AFF3: variants seen among roughly 807,000 people sequenced by gnomAD.
The protein encoded by AFF3 is AF4/FMR2 family member 3.
A neutral mutation model predicts 129.7 loss-of-function variants in AFF3; 32 were observed. The observed-to-expected ratio is 0.25, with a 90% CI of 0.19 to 0.33. AFF3 has a LOEUF of 0.33. Among genes scored for constraint, AFF3 ranks in the 10% least tolerant of loss-of-function variants. The pLI is 1.00. For synonymous variants in AFF3, 644 were observed against 635.4 expected (o/e 1.01, Z -0.20); for missense variants, 1,373 against 1,592.0 (o/e 0.86, Z 2.34).
chr2:99,698,335 T>G (rs566685874), intron 11 of AFF3, among the ~76,000 whole-genome samples: 47 of 152,338 alleles, frequency 3.1e-4, no homozygotes, highest in African/African-American at 1.1e-3. Context: ...GAGTGCTGAC[T>G]GGCCAAGAGT....
intron 7 of AFF3, among the ~76,000 whole-genome samples, chr2:99,855,664 T>C (rs565242200): frequency 4.6e-5 from 7 of 152,178 alleles, no homozygotes; most frequent in African/African-American, 1.7e-4. Context: ...AGGATAAATA[T>C]CTTGCGCATA....
At chr2:99,714,663 A>G (rs907504119) in intron 11 of AFF3, among the ~76,000 whole-genome samples, 4 of 152,206 alleles carry the variant, frequency 2.6e-5, no homozygotes, top group Non-Finnish European at 5.9e-5. Context: ...TCTTTTGGTA[A>G]CAATTCTCAA....
chr2:99,984,716 C>T (rs1679713834), intron 7 of AFF3, among the ~76,000 whole-genome samples: 1 of 150,602 alleles, frequency 6.6e-6, no homozygotes, highest in Non-Finnish European at 1.5e-5. Context: ...TCACAAGGAT[C>T]TAGTTAATTC....
intron 7 of AFF3, among the ~76,000 whole-genome samples, chr2:99,952,253 A>T (rs966669899): frequency 1.3e-5 from 2 of 152,138 alleles, no homozygotes; most frequent in Non-Finnish European, 2.9e-5. Flanking sequence ...CACCTCCTCC[A>T]AACCCCTTCC....
chr2:100,042,104 C>T (rs1685481697), intron 4 of AFF3, among the ~76,000 whole-genome samples: 1 of 152,144 alleles, frequency 6.6e-6, no homozygotes, highest in South Asian at 2.1e-4. Context: ...CTCATTCTGC[C>T]CTGCCACACT....
chr2:99,839,268 C>G (rs1482745907), intron 7 of AFF3, among the ~76,000 whole-genome samples: 1 of 152,116 alleles, frequency 6.6e-6, no homozygotes, highest in Admixed American at 6.5e-5. Context: ...CACCACCATG[C>G]CCAGCTAATT....
intron 4 of AFF3, among the ~76,000 whole-genome samples, chr2:100,021,242 A>G (rs1683568848): frequency 6.6e-6 from 1 of 152,214 alleles, no homozygotes; most frequent in African/African-American, 2.4e-5. Flanking sequence ...CATAAGAAGA[A>G]AGTCTACATC....
intron 8 of AFF3, among the ~76,000 whole-genome samples, chr2:99,765,437 C>T (rs907173642): frequency 2.0e-5 from 3 of 152,192 alleles, no homozygotes; most frequent in Non-Finnish European, 4.4e-5. Flanking sequence ...TAGAAGAGAT[C>T]GGGCTTGGAG....
intron 7 of AFF3, among the ~76,000 whole-genome samples, chr2:99,922,538 C>T (rs929444297): frequency 9.2e-5 from 14 of 152,100 alleles, no homozygotes; most frequent in Non-Finnish European, 2.1e-4. Flanking sequence ...CCTATGGTGA[C>T]AGTAACCACA....
intron 10 of AFF3, among the ~76,000 whole-genome samples, chr2:99,741,212 T>C (rs1474776988): frequency 6.6e-6 from 1 of 152,176 alleles, no homozygotes; most frequent in Non-Finnish European, 1.5e-5. Flanking sequence ...TTGGAAGTTC[T>C]GGCCAGGGCA....
At chr2:99,987,338 C>T (rs1354320650) in intron 7 of AFF3, among the ~76,000 whole-genome samples, 1 of 152,148 alleles carries the variant, frequency 6.6e-6, no homozygotes, top group Non-Finnish European at 1.5e-5. Context: ...CAATGAAGCA[C>T]TCCACAGATG....
intron 11 of AFF3, among the ~76,000 whole-genome samples, chr2:99,680,638 T>C (rs1178666059): frequency 6.6e-6 from 1 of 152,192 alleles, no homozygotes; most frequent in Admixed American, 6.5e-5. Flanking sequence ...GCCTATTCTG[T>C]TTGCTAGCTA....
At chr2:99,839,090 T>C (rs983439668) in intron 7 of AFF3, among the ~76,000 whole-genome samples, 2 of 151,860 alleles carry the variant, frequency 1.3e-5, no homozygotes, top group Non-Finnish European at 2.9e-5. Context: ...CCACACAGAG[T>C]TACCATATGG....
At chr2:99,989,090 A>G (rs1680118948) in intron 7 of AFF3, among the ~76,000 whole-genome samples, 2 of 152,180 alleles carry the variant, frequency 1.3e-5, no homozygotes, top group Admixed American at 1.3e-4. Context: ...AGCCAGGTGG[A>G]AGACTCTCCT....
intron 4 of AFF3, among the ~76,000 whole-genome samples, chr2:100,039,978 T>G (rs1685287313): frequency 6.6e-6 from 1 of 152,212 alleles, no homozygotes; most frequent in South Asian, 2.1e-4. Flanking sequence ...TGTTTTCATC[T>G]TAATCATTCT....
At chr2:100,091,310 C>T (rs141454301) in intron 4 of AFF3, among the ~76,000 whole-genome samples, 29 of 152,338 alleles carry the variant, frequency 1.9e-4, no homozygotes, top group South Asian at 1.5e-3. Context: ...GCCAGCTGGC[C>T]TAGATGTCTT....
chr2:99,804,018 C>T (rs555100239), intron 8 of AFF3, among the ~76,000 whole-genome samples: 2 of 152,104 alleles, frequency 1.3e-5, no homozygotes, highest in African/African-American at 2.4e-5. Context: ...TGGATACTGG[C>T]CTAGGCAAAG....
rs1226699675 is a variant in AFF3 at position 99,549,698 on chromosome 2, CCTT to C, written c.*1773_*1775del. On this transcript the variant is annotated 3_prime_UTR_variant, in exon 25 of 25. Transcript: ENST00000672756. ...AAAGCCAAATGCAAATTCCACAAGC[CCTT>C]CTTATTTTCAATTAATTTCAAATCA... 14 of 215,642 alleles carry C rather than the reference CCTT, an allele frequency of 6.5e-5. No individual in the cohort carries two copies. The Admixed American group carries it at 7.0e-4, about 11-fold the overall frequency. 13.4% of individuals were successfully genotyped at this position (215,642 alleles called of 1,614,324 possible).
intron 18 of AFF3, among the ~76,000 whole-genome samples, chr2:99,573,221 C>T (rs1055317535): frequency 3.3e-5 from 5 of 152,124 alleles, no homozygotes; most frequent in African/African-American, 1.2e-4. Flanking sequence ...TGTCTCCGCA[C>T]CCTGTCCCCC....
Sources: gnomAD v4.1 joint callset for allele counts (sites outside exome capture counted in the v4.1 genomes callset) on GRCh38, gnomAD v4.1.1 for gene constraint, MANE v1.5 for transcripts, NCBI Gene and HGNC (gene_info 2026-07-23, HGNC 2026-07-21) for gene names.